The following GRID2 variants were observed in gnomAD, a reference collection of about 807,000 sequenced individuals.
GRID2 encodes the protein glutamate receptor ionotropic, delta-2.
Under a neutral mutation model 114.8 loss-of-function variants are expected in GRID2, and 33 were observed. The ratio of observed to expected loss-of-function variants is 0.29; its 90% CI spans 0.22 to 0.38. GRID2 has a LOEUF of 0.38. GRID2 is among the 10% of genes least tolerant of loss of function. GRID2 has a pLI of 1.00. For missense variants in GRID2, 1,184 were observed against 1,257.7 expected (o/e 0.94, Z 0.89); for synonymous variants, 505 against 449.9 (o/e 1.12, Z -1.55).
intron 11 of GRID2, among the ~76,000 whole-genome samples, chr4:93,471,711 T>TTTTTTTTTTTTTTTTTTC (rs1724831365): frequency 8.4e-6 from 1 of 118,482 alleles, no homozygotes; most frequent in Non-Finnish European, 1.8e-5. Flanking sequence ...TTTTTTTTTT[T>TTTTTTTTTTTTTTTTTTC]TTTTGGAGAC....
intron 14 of GRID2, among the ~76,000 whole-genome samples, chr4:93,667,746 A>G (rs1724072689): frequency 6.6e-6 from 1 of 152,088 alleles, no homozygotes; most frequent in Non-Finnish European, 1.5e-5. Context: ...CCATATAAAT[A>G]TTATAGGAGT....
chr4:92,663,812 G>T (rs1375046161), intron 2 of GRID2, among the ~76,000 whole-genome samples: 2 of 150,972 alleles, frequency 1.3e-5, no homozygotes, highest in African/African-American at 4.8e-5. Context: ...TGTCCCTGCA[G>T]CACCTGGCAA....
At chr4:92,734,251 G>T (rs921974715) in intron 2 of GRID2, among the ~76,000 whole-genome samples, 1 of 151,626 alleles carries the variant, frequency 6.6e-6, no homozygotes, top group African/African-American at 2.4e-5. Context: ...ATTTAAATGT[G>T]CATCACTCTA....
intron 2 of GRID2, among the ~76,000 whole-genome samples, chr4:92,652,089 AG>A (rs1451143422): frequency 6.6e-6 from 1 of 152,026 alleles, no homozygotes; most frequent in Admixed American, 6.6e-5. Context: ...TTGAAGATGC[AG>A]TGCATGCACA....
intron 4 of GRID2, among the ~76,000 whole-genome samples, chr4:93,139,456 G>C (rs957247619): frequency 2.0e-5 from 3 of 152,174 alleles, no homozygotes; most frequent in Admixed American, 2.0e-4. Context: ...GATGGAGGTA[G>C]ATCTGGAGAG....
Position 92,890,574 on chromosome 4 carries a change from C to T in GRID2, c.245-194421C>T, listed in dbSNP as rs182646297. Among the ~76,000 whole-genome samples the T allele has an allele frequency of 1.8e-3, 276 of 152,192 alleles. 2 individuals carry two copies. Among genetic ancestry groups the T allele is most frequent in the African/African-American group, 5.9e-3 (247 of 41,530 alleles). ...CAAACCACAATGAGATGCCATCACA[C>T]GCCAGTTAGAATGGCAATCATTCAA... On this transcript the variant is annotated intron_variant, in intron 2 of 15. Coordinates refer to ENST00000282020, the MANE Select transcript of GRID2 (RefSeq NM_001510.4).
Position 92,650,772 on chromosome 4 carries a change from C to A in GRID2, c.244+60486C>A, listed in dbSNP as rs557745840. On this transcript the variant is annotated intron_variant, in intron 2 of 15. Transcript: ENST00000282020. ...CTAGAGGTAATGCTGAGTGGTACCACTCCCATTTCTTTTGCTTGGTTCCTG... is the reference window on the plus strand; with the variant it reads ...CTAGAGGTAATGCTGAGTGGTACCAATCCCATTTCTTTTGCTTGGTTCCTG... 2.6e-5 allele frequency among the ~76,000 whole-genome samples: 4 copies of A among 151,994 alleles called. No homozygotes were observed. In the East Asian group the frequency reaches 7.8e-4, roughly 30 times the overall value.
downstream of GRID2, among the ~76,000 whole-genome samples, chr4:93,776,047 A>C (rs1734362696): frequency 6.6e-6 from 1 of 152,230 alleles, no homozygotes; most frequent in Non-Finnish European, 1.5e-5. Flanking sequence ...CCAATGGTGA[A>C]ACACATTCTA....
chr4:92,530,940 T>C (rs6532374), intron 1 of GRID2, among the ~76,000 whole-genome samples: 43,816 of 151,502 alleles, frequency 0.29, 8,108 homozygotes, highest in African/African-American at 0.53. Flanking sequence ...TTAAAACAAT[T>C]CCCAAATTTG....
intron 2 of GRID2, among the ~76,000 whole-genome samples, chr4:93,002,227 G>C (rs1261298263): frequency 6.6e-6 from 1 of 151,412 alleles, no homozygotes; most frequent in Non-Finnish European, 1.5e-5. Flanking sequence ...TGTGAAAAAT[G>C]ACACCTCATA....
intron 3 of GRID2, among the ~76,000 whole-genome samples, chr4:93,097,618 A>G (rs1483190198): frequency 6.6e-6 from 1 of 151,920 alleles, no homozygotes; most frequent in Non-Finnish European, 1.5e-5. Flanking sequence ...GGTGCTTCTG[A>G]TAAGCCAGCT....
At chr4:92,572,394 T>C (rs999806312) in intron 1 of GRID2, among the ~76,000 whole-genome samples, 1 of 148,258 alleles carries the variant, frequency 6.7e-6, no homozygotes, top group African/African-American at 2.6e-5. Flanking sequence ...CAATAATTAA[T>C]AGCTTACCAA....
chr4:93,260,792 A>G (rs1750168235), intron 8 of GRID2, among the ~76,000 whole-genome samples: 1 of 151,778 alleles, frequency 6.6e-6, no homozygotes, highest in Admixed American at 6.6e-5. Context: ...TGGAATATAA[A>G]CCAATTTCTC....
intron 2 of GRID2, among the ~76,000 whole-genome samples, chr4:92,651,878 G>A (rs1731951250): frequency 6.6e-6 from 1 of 152,066 alleles, no homozygotes. Flanking sequence ...ATATTGTGCA[G>A]AACCCTCTGT....
intron 1 of GRID2, among the ~76,000 whole-genome samples, chr4:92,417,092 A>T (rs188669338): frequency 1.3e-5 from 2 of 152,036 alleles, no homozygotes; most frequent in Admixed American, 6.6e-5. Context: ...TTTCAAATAT[A>T]TGTAATTTTA....
chr4:92,340,594 A>G (rs1365634681), intron 1 of GRID2, among the ~76,000 whole-genome samples: 3 of 152,144 alleles, frequency 2.0e-5, no homozygotes, highest in Non-Finnish European at 2.9e-5. Flanking sequence ...ACACCTACTC[A>G]TTGCTCAAAA....
chr4:93,164,170 G>A (rs1014691934), intron 4 of GRID2, among the ~76,000 whole-genome samples: 3 of 151,944 alleles, frequency 2.0e-5, no homozygotes, highest in African/African-American at 7.3e-5. Context: ...GAAAAAAAAG[G>A]TAATTTAGAA....
At chr4:92,807,894 C>T (rs965605745) in intron 2 of GRID2, among the ~76,000 whole-genome samples, 1 of 151,886 alleles carries the variant, frequency 6.6e-6, no homozygotes, top group Non-Finnish European at 1.5e-5. Context: ...TTGTGGTAGG[C>T]AGAATAATGT....
chr4:92,382,335 A>C (rs190088934), intron 1 of GRID2, among the ~76,000 whole-genome samples: 25 of 152,190 alleles, frequency 1.6e-4, no homozygotes, highest in Admixed American at 4.6e-4. Context: ...GCTGCATAGC[A>C]ACAGCAGAGT....
Sources: gnomAD v4.1 joint callset for allele counts (sites outside exome capture counted in the v4.1 genomes callset) on GRCh38, gnomAD v4.1.1 for gene constraint, MANE v1.5 for transcripts, NCBI Gene and HGNC (gene_info 2026-07-23, HGNC 2026-07-21) for gene names.